The following TXNDC15 variants were observed in gnomAD, a reference collection of about 807,000 sequenced individuals.
The protein encoded by TXNDC15 is thioredoxin domain-containing protein 15.
Under a neutral mutation model 35.0 loss-of-function variants are expected in TXNDC15, and 24 were observed. The ratio of observed to expected loss-of-function variants is 0.68; its 90% CI spans 0.50 to 0.96. TXNDC15 has a LOEUF of 0.96. Among genes scored for constraint, TXNDC15 ranks in the 40% least tolerant of loss-of-function variants. The pLI is 0.00. For synonymous variants in TXNDC15, 169 were observed against 174.0 expected (o/e 0.97, Z 0.23); for missense variants, 385 against 453.3 (o/e 0.85, Z 1.37).
chr5:134,884,304 A>G (rs913253536), intron 1 of TXNDC15, among the ~76,000 whole-genome samples: 3 of 150,074 alleles, frequency 2.0e-5, no homozygotes, highest in African/African-American at 7.4e-5. Context: ...GCTGGAGTGC[A>G]ATGGCACTAT....
chr5:134,893,489 C>G lies in TXNDC15; in HGVS notation c.592-3C>G. 2 of 1,614,104 alleles carry G rather than the reference C, an allele frequency of 1.2e-6. No homozygotes were observed. The highest frequency in any genetic ancestry group is 1.7e-6 in the Non-Finnish European group (2 of 1,179,962). ...ACTTTAATGCTTGTTTCTTTTACCA[C>G]AGGACCTTATGGATTTTCTGAACCC... On this transcript the variant is annotated splice_polypyrimidine_tract_variant and splice_region_variant and intron_variant, in intron 2 of 4. Coordinates refer to ENST00000358387, the MANE Select transcript of TXNDC15 (RefSeq NM_024715.4).
chr5:134,878,424 C>T (rs1750081394), intron 1 of TXNDC15, among the ~76,000 whole-genome samples: 1 of 152,236 alleles, frequency 6.6e-6, no homozygotes, highest in Non-Finnish European at 1.5e-5. Context: ...AATGAGCACA[C>T]AGTATTGCCT....
intron 3 of TXNDC15, among the ~76,000 whole-genome samples, chr5:134,894,729 C>T (rs142187864): frequency 3.3e-4 from 50 of 152,114 alleles, no homozygotes; most frequent in African/African-American, 8.7e-4. Context: ...CTAAGTGCTG[C>T]GATTGTGCCT....
At chr5:134,883,587 C>CAAAAAAAAAAAAAAAA (rs60114636) in intron 1 of TXNDC15, among the ~76,000 whole-genome samples, 59 of 65,356 alleles carry the variant, frequency 9.0e-4, no homozygotes, top group African/African-American at 4.3e-3. Context: ...GACCCTGTCT[C>CAAAAAAAAAAAAAAAA]AAAAAAAAAA....
intron 1 of TXNDC15, among the ~76,000 whole-genome samples, chr5:134,885,880 T>A (rs1750265982): frequency 6.6e-6 from 1 of 152,218 alleles, no homozygotes; most frequent in South Asian, 2.1e-4. Context: ...GTAAGGTAAA[T>A]CTGGTTCTTG....
chr5:134,882,448 G>C (rs1354313251), intron 1 of TXNDC15, among the ~76,000 whole-genome samples: 1 of 152,174 alleles, frequency 6.6e-6, no homozygotes, highest in African/African-American at 2.4e-5. Flanking sequence ...GGTGGCGGCC[G>C]GGCAGAGGCT....
chr5:134,874,483 G>T lies in TXNDC15; in HGVS notation c.56G>T (p.Trp19Leu). 1 of 1,606,484 alleles carries T rather than the reference G, an allele frequency of 6.2e-7. No individual in the cohort carries two copies. The change falls in exon 1 of 5, where the codon TGG becomes TTG. Residue 19 changes from tryptophan to leucine, a missense_variant. By Grantham distance (61) the Trp-to-Leu change is moderately conservative. Coordinates refer to ENST00000358387, the MANE Select transcript of TXNDC15 (RefSeq NM_024715.4). ...PPRVMRLLGW[W>L]QVLLWVLGLP... ...CGCGTCATGCGGCTCCTCGGCTGGT[G>T]GCAAGTATTGCTGTGGGTGCTGGGA...
At chr5:134,881,580 T>TCTAC (rs1750145230) in intron 1 of TXNDC15, among the ~76,000 whole-genome samples, 1 of 121,996 alleles carries the variant, frequency 8.2e-6, no homozygotes, top group Non-Finnish European at 1.7e-5. Context: ...GTCTCCCATG[T>TCTAC]CTACCTCTTT....
chr5:134,884,351 C>T (rs1231285545), intron 1 of TXNDC15, among the ~76,000 whole-genome samples: 3 of 142,392 alleles, frequency 2.1e-5, no homozygotes, highest in Middle Eastern at 5.0e-3. Context: ...TAAGTTCAAG[C>T]GATTCTCCTG....
intron 2 of TXNDC15, among the ~76,000 whole-genome samples, chr5:134,890,897 C>T (rs1750377131): frequency 6.6e-6 from 1 of 152,232 alleles, no homozygotes; most frequent in Non-Finnish European, 1.5e-5. Flanking sequence ...CAACAGTGTT[C>T]ACAGCATCTT....
chr5:134,874,159 G>C (rs942886792), upstream of TXNDC15: 31 of 387,832 alleles, frequency 8.0e-5, no homozygotes, highest in African/African-American at 5.7e-4. Flanking sequence ...GCCTCTGCCA[G>C]AGCCATGCTC....
chr5:134,874,366 C>T, upstream of TXNDC15: 2 of 1,436,756 alleles, frequency 1.4e-6, no homozygotes, highest in Non-Finnish European at 1.9e-6. Context: ...CCTCCCCCAG[C>T]CTTCCTCCGG....
chr5:134,882,915 C>T (rs1013199001), intron 1 of TXNDC15, among the ~76,000 whole-genome samples: 2 of 152,170 alleles, frequency 1.3e-5, no homozygotes, highest in Non-Finnish European at 2.9e-5. Context: ...TATTTTCTTC[C>T]GTATTGTCTA....
At chr5:134,883,697 G>T (rs1027587132) in intron 1 of TXNDC15, among the ~76,000 whole-genome samples, 19 of 151,714 alleles carry the variant, frequency 1.3e-4, no homozygotes, top group Admixed American at 1.3e-3. Flanking sequence ...CAGATCACTT[G>T]GGGCCAGGAG....
intron 2 of TXNDC15, among the ~76,000 whole-genome samples, chr5:134,889,684 G>A (rs1750349745): frequency 6.6e-6 from 1 of 152,142 alleles, no homozygotes; most frequent in Non-Finnish European, 1.5e-5. Flanking sequence ...CAAAGGTGGG[G>A]GCAATTGCCT....
At chr5:134,876,670 G>A (rs1405828377) in intron 1 of TXNDC15, among the ~76,000 whole-genome samples, 2 of 152,016 alleles carry the variant, frequency 1.3e-5, no homozygotes, top group Non-Finnish European at 2.9e-5. Context: ...GCCATGAATG[G>A]GGTGAAGACA....
intron 1 of TXNDC15, among the ~76,000 whole-genome samples, chr5:134,880,318 T>C (rs1447529196): frequency 6.6e-6 from 1 of 152,238 alleles, no homozygotes; most frequent in Non-Finnish European, 1.5e-5. Context: ...TTTCCATCTG[T>C]TAACATTTTT....
intron 1 of TXNDC15, among the ~76,000 whole-genome samples, chr5:134,882,930 A>T (rs60793356): frequency 6.6e-6 from 1 of 152,166 alleles, no homozygotes; most frequent in Admixed American, 6.5e-5. Context: ...TGTCTACTTT[A>T]CCATTATTCT....
In TXNDC15 at chr5:134,899,596, T is replaced by G. The variant is rs1026295384; in HGVS notation, c.994T>G (p.Phe332Val). 3.1e-6 allele frequency: 5 copies of G among 1,613,994 alleles called. No individual in the cohort carries two copies. The highest frequency in any genetic ancestry group is 4.2e-6 in the Non-Finnish European group (5 of 1,179,976). Residue 332 changes from phenylalanine to valine, a missense_variant, in exon 5 of 5, where the codon TTT becomes GTT. Coordinates refer to ENST00000358387, the MANE Select transcript of TXNDC15 (RefSeq NM_024715.4). Reference protein sequence around the residue: ...VDWLLVFSLFFLISFIMYATI... With the variant: ...VDWLLVFSLFVLISFIMYATI... ...CTGGTTGCTTGTATTTTCCTTATTC[T>G]TTTTAATTAGTTTTATTATGTATGC...
Sources: gnomAD v4.1 joint callset for allele counts (sites outside exome capture counted in the v4.1 genomes callset) on GRCh38, gnomAD v4.1.1 for gene constraint, MANE v1.5 for transcripts, NCBI Gene and HGNC (gene_info 2026-07-23, HGNC 2026-07-21) for gene names.